SLC14A2: variants seen among roughly 807,000 people sequenced by gnomAD.
SLC14A2 encodes solute carrier family 14 member 2.
In SLC14A2, 91 loss-of-function variants were observed where a neutral mutation model predicts 104.6. The ratio of observed to expected loss-of-function variants is 0.87; its 90% CI spans 0.73 to 1.04. SLC14A2 has a LOEUF of 1.04. Ranked by LOEUF, SLC14A2 falls within the 50% of genes least tolerant of loss-of-function variation. SLC14A2 has a pLI of 0.00. For synonymous variants in SLC14A2, 476 were observed against 466.4 expected (o/e 1.02, Z -0.27); for missense variants, 1,189 against 1,156.0 (o/e 1.03, Z -0.41).
chr18:45,319,176 C>T (rs1237191540), intron 1 of SLC14A2, among the ~76,000 whole-genome samples: 1 of 152,220 alleles, frequency 6.6e-6, no homozygotes, highest in Non-Finnish European at 1.5e-5. Flanking sequence ...ACTCTCCATT[C>T]CCTTCCATGC....
In SLC14A2 at chr18:45,663,833, G is replaced by A; in HGVS notation, c.1400G>A (p.Gly467Asp). The change falls in exon 11 of 20, where the codon GGC (glycine) becomes GAC (aspartate). Residue 467 changes from glycine (G) to aspartate (D), a missense_variant. Coordinates refer to ENST00000255226, the MANE Select transcript of SLC14A2 (RefSeq NM_007163.4). ...PPTAGPKVEE[G>D]SEAVLSKHRS... ...ACAGCAGGCCCAAAGGTGGAGGAGGGCTCGGAGGCTGTGCTCTCCAAGCAC... is the reference window on the plus strand; with the variant it reads ...ACAGCAGGCCCAAAGGTGGAGGAGGACTCGGAGGCTGTGCTCTCCAAGCAC... 6.2e-7 allele frequency: 1 copy of A among 1,613,328 alleles called. No homozygotes were observed. Among genetic ancestry groups the A allele is most frequent in the Non-Finnish European group, 8.5e-7 (1 of 1,179,904 alleles).
In SLC14A2 at chr18:45,644,008, G is replaced by A; in HGVS notation, c.1199G>A (p.Trp400Ter). Residue 400 changes from tryptophan (W) to a stop codon, truncating the protein, a stop_gained, in exon 10 of 20, where the codon TGG (tryptophan) becomes TAG (stop). Coordinates refer to ENST00000255226, the MANE Select transcript of SLC14A2 (RefSeq NM_007163.4). LOFTEE classifies it high-confidence loss of function. ...MSVVGVPPGT[W>*]AFCLATIIFL... The stretch of plus-strand genomic sequence containing the variant: ...CAGGTGGGCGTGCCACCAGGCACCT[G>A]GGCCTTCTGCCTTGCCACCATCATC... 6.2e-7 allele frequency: 1 copy of A among 1,614,094 alleles called. No individual in the cohort carries two copies.
intron 2 of SLC14A2, among the ~76,000 whole-genome samples, chr18:45,519,006 T>C (rs182072539): frequency 6.6e-6 from 1 of 152,334 alleles, no homozygotes; most frequent in Non-Finnish European, 1.5e-5. Context: ...ATTTGTGGCC[T>C]GTTTGGGGAA....
intron 2 of SLC14A2, among the ~76,000 whole-genome samples, chr18:45,580,736 C>T (rs1028814076): frequency 3.3e-5 from 5 of 152,110 alleles, no homozygotes; most frequent in Non-Finnish European, 7.3e-5. Flanking sequence ...GTCATATAAC[C>T]TGCTCAAGGT....
chr18:45,538,897 CCTTT>C (rs2043842214), intron 2 of SLC14A2, among the ~76,000 whole-genome samples: 1 of 120,974 alleles, frequency 8.3e-6, no homozygotes, highest in Non-Finnish European at 1.7e-5. Context: ...TTCCTTCCTT[CCTTT>C]TGTCCTTTTT....
chr18:45,221,528 T>C (rs16978308), intron 1 of SLC14A2, among the ~76,000 whole-genome samples: 2,383 of 152,078 alleles, frequency 0.016, 71 homozygotes, highest in African/African-American at 0.052. Flanking sequence ...GTAATCAAAA[T>C]AGCAGCCCTC....
At chr18:45,512,131 C>T (rs528462370) in intron 2 of SLC14A2, among the ~76,000 whole-genome samples, 33 of 152,296 alleles carry the variant, frequency 2.2e-4, no homozygotes, top group African/African-American at 7.9e-4. Flanking sequence ...AGCCCAGATG[C>T]ATGTACAGGA....
At chr18:45,653,437 G>A (rs1003419993) in intron 10 of SLC14A2, among the ~76,000 whole-genome samples, 6 of 152,082 alleles carry the variant, frequency 3.9e-5, no homozygotes, top group East Asian at 1.9e-4. Context: ...TCTGAACCTG[G>A]GTAGGCTGCC....
chr18:45,399,611 A>G (rs2086073724), intron 1 of SLC14A2, among the ~76,000 whole-genome samples: 1 of 151,876 alleles, frequency 6.6e-6, no homozygotes, highest in Admixed American at 6.6e-5. Context: ...CCCTTTTATT[A>G]TTCTGTTTTA....
chr18:45,553,196 C>G (rs1028986139), intron 2 of SLC14A2, among the ~76,000 whole-genome samples: 3 of 152,236 alleles, frequency 2.0e-5, no homozygotes, highest in Non-Finnish European at 4.4e-5. Flanking sequence ...TGGGCAAACA[C>G]TTGATGTCCA....
In SLC14A2 at chr18:45,285,205, T is replaced by C. The variant is rs1041954231; in HGVS notation, c.-125+72014T>C. On this transcript the variant is annotated intron_variant, in intron 1 of 20. Transcript: ENST00000586448. ...AGACTATAGAGGATCTATATTGGTT[T>C]CCAAATTTTAGAATTTGAAGGGGTC... Among the ~76,000 whole-genome samples, 6 of 152,318 alleles carry C rather than the reference T, an allele frequency of 3.9e-5. 1 individual carries two copies. Among genetic ancestry groups the C allele is most frequent in the African/African-American group, 1.4e-4 (6 of 41,580 alleles).
chr18:45,176,757 C>A, the SLC14A2 span, among the ~76,000 whole-genome samples: 1 of 152,162 alleles, frequency 6.6e-6, no homozygotes, highest in African/African-American at 2.4e-5. Context: ...ATTCTCTTCC[C>A]TAGCCAATGA....
intron 4 of SLC14A2, among the ~76,000 whole-genome samples, chr18:45,627,744 C>T (rs184637662): frequency 1.3e-5 from 2 of 152,264 alleles, no homozygotes; most frequent in Admixed American, 6.5e-5. Context: ...CACGGTGGCT[C>T]ACGCCTACAA....
the SLC14A2 span, among the ~76,000 whole-genome samples, chr18:45,174,852 G>A: frequency 6.6e-6 from 1 of 152,214 alleles, no homozygotes; most frequent in Non-Finnish European, 1.5e-5. Flanking sequence ...AAATGCAAAA[G>A]GCTCTTAAAT....
chr18:45,390,602 A>G (rs184885229), intron 1 of SLC14A2, among the ~76,000 whole-genome samples: 2 of 146,080 alleles, frequency 1.4e-5, no homozygotes, highest in African/African-American at 5.0e-5. Flanking sequence ...AGAGAATAAT[A>G]AAAGATGCAC....
At chr18:45,419,571 C>A (rs879560523) in intron 1 of SLC14A2, among the ~76,000 whole-genome samples, 1 of 152,202 alleles carries the variant, frequency 6.6e-6, no homozygotes, top group Non-Finnish European at 1.5e-5. Flanking sequence ...GTCAGGAGAT[C>A]GAGACCAGCC....
chr18:45,462,349 T>C (rs905238017), intron 1 of SLC14A2, among the ~76,000 whole-genome samples: 1 of 152,180 alleles, frequency 6.6e-6, no homozygotes, highest in African/African-American at 2.4e-5. Context: ...CTGGTTTCCA[T>C]GGAGAGTCCA....
At chr18:45,491,616 T>C (rs907746667) in intron 2 of SLC14A2, among the ~76,000 whole-genome samples, 11 of 152,190 alleles carry the variant, frequency 7.2e-5, no homozygotes, top group African/African-American at 2.4e-4. Flanking sequence ...GTGTTTAATA[T>C]AGTAAACAAT....
intron 2 of SLC14A2, among the ~76,000 whole-genome samples, chr18:45,500,362 G>A (rs1186157211): frequency 6.6e-6 from 1 of 152,052 alleles, no homozygotes; most frequent in Non-Finnish European, 1.5e-5. Context: ...CGGATCACGA[G>A]GTCAGGAGAT....
Sources: allele counts gnomAD v4.1 joint callset (sites outside exome capture counted in the v4.1 genomes callset), GRCh38; gene constraint gnomAD v4.1.1; transcripts MANE v1.5; gene names NCBI Gene and HGNC (gene_info 2026-07-23, HGNC 2026-07-21).